The following FAM193A variants were observed in gnomAD, a reference collection of about 807,000 sequenced individuals.
FAM193A encodes protein FAM193A.
FAM193A carries 22 observed loss-of-function variants against 126.5 expected under a neutral mutation model. The ratio of observed to expected loss-of-function variants is 0.17; its 90% CI spans 0.12 to 0.25. FAM193A has a LOEUF of 0.25. FAM193A is among the 10% of genes least tolerant of loss of function. The pLI, the probability that FAM193A is intolerant of heterozygous loss-of-function variation, is 1.00. For synonymous variants in FAM193A, 761 were observed against 646.8 expected, an observed-to-expected ratio of 1.18 and a Z score of -2.68; for missense variants, 1,675 against 1,672.8, an observed-to-expected ratio of 1.00 and a Z score of -0.02.
At chr4:2,667,234 C>T (rs80348772) in intron 12 of FAM193A, among the ~76,000 whole-genome samples, 1 of 152,168 alleles carries the variant, frequency 6.6e-6, no homozygotes, top group African/African-American at 2.4e-5. Flanking sequence ...TCCAGGCTAC[C>T]ATGTAAGGAC....
intron 5 of FAM193A, 21 bp from the exon 6 acceptor site, chr4:2,639,714 C>T (rs762584372): frequency 6.2e-7 from 1 of 1,601,158 alleles, no homozygotes; most frequent in Non-Finnish European, 8.5e-7. Flanking sequence ...TTCTGTTTAT[C>T]TTTTACTTTT....
intron 5 of FAM193A, among the ~76,000 whole-genome samples, chr4:2,631,514 A>G (rs1743584306): frequency 6.6e-6 from 1 of 152,216 alleles, no homozygotes; most frequent in African/African-American, 2.4e-5. Context: ...TGTCTTACTT[A>G]GGTTGTTCAT....
chr4:2,692,189 G>A (rs1716464288), intron 15 of FAM193A, among the ~76,000 whole-genome samples: 1 of 152,170 alleles, frequency 6.6e-6, no homozygotes, highest in African/African-American at 2.4e-5. Context: ...CACATGGCTA[G>A]GGAGGCTTCA....
chr4:2,664,327 T>C (rs1285157964), intron 12 of FAM193A, among the ~76,000 whole-genome samples: 1 of 152,142 alleles, frequency 6.6e-6, no homozygotes, highest in African/African-American at 2.4e-5. Context: ...TCAGTACGGT[T>C]TGTCAGAAGT....
intron 1 of FAM193A, among the ~76,000 whole-genome samples, chr4:2,590,625 A>G (rs1310503442): frequency 6.6e-6 from 1 of 152,034 alleles, no homozygotes; most frequent in Non-Finnish European, 1.5e-5. Context: ...CTGGGCGCCT[A>G]CTGGTTGCTG....
At chr4:2,694,904 C>G (rs751491413) in intron 16 of FAM193A, 42 bp from the exon 17 acceptor site, 1 of 1,526,596 alleles carries the variant, frequency 6.6e-7, no homozygotes, top group South Asian at 1.2e-5. Flanking sequence ...CATTGCCTCC[C>G]GGGCCGGCCA....
At chr4:2,561,105 C>T (rs548137477) in intron 1 of FAM193A, among the ~76,000 whole-genome samples, 5 of 152,338 alleles carry the variant, frequency 3.3e-5, no homozygotes, top group African/African-American at 1.2e-4. Flanking sequence ...CTTACAACAC[C>T]TTGCTGTAGG....
chr4:2,621,415 C>T (rs781587366), intron 2 of FAM193A, among the ~76,000 whole-genome samples: 3 of 152,152 alleles, frequency 2.0e-5, no homozygotes, highest in Non-Finnish European at 2.9e-5. Flanking sequence ...AGAAGCCAAT[C>T]AGAGGCTCAC....
chr4:2,561,483 G>C (rs1738610040), intron 1 of FAM193A, among the ~76,000 whole-genome samples: 1 of 142,798 alleles, frequency 7.0e-6, no homozygotes, highest in Admixed American at 7.2e-5. Context: ...ATGCCTGGCT[G>C]CTTGTAGAGA....
At chr4:2,695,550 C>T (rs1013155058) in intron 17 of FAM193A, among the ~76,000 whole-genome samples, 1 of 152,176 alleles carries the variant, frequency 6.6e-6, no homozygotes, top group Non-Finnish European at 1.5e-5. Context: ...CAATTATCAC[C>T]CACTGTTTAA....
intron 12 of FAM193A, 47 bp from the exon 13 acceptor site, chr4:2,672,074 C>G: frequency 1.3e-6 from 2 of 1,593,818 alleles, no homozygotes; most frequent in Non-Finnish European, 1.7e-6. Context: ...TAATTCATAC[C>G]ATTTATTGTT....
At chr4:2,617,195 AAAG>A (rs1186044737) in intron 2 of FAM193A, among the ~76,000 whole-genome samples, 2 of 133,972 alleles carry the variant, frequency 1.5e-5, no homozygotes, top group Non-Finnish European at 3.1e-5. Flanking sequence ...AAAAAAAAAA[AAAG>A]AATATTTTTT....
intron 15 of FAM193A, 32 bp downstream of exon 15, chr4:2,691,002 T>A (rs17629977): frequency 0.038 from 60,014 of 1,582,832 alleles, 1,396 homozygotes; most frequent in Middle Eastern, 0.092. Flanking sequence ...GCCCTCGGGG[T>A]CTGCAGGAAG....
At chr4:2,579,583 C>G (rs548063824) in intron 1 of FAM193A, among the ~76,000 whole-genome samples, 2 of 152,044 alleles carry the variant, frequency 1.3e-5, no homozygotes, top group East Asian at 3.9e-4. Context: ...CCTGTGGTCC[C>G]AGTTACTCGG....
At chr4:2,535,829 C>G (rs1340337680), upstream of FAM193A, among the ~76,000 whole-genome samples, 3 of 152,120 alleles carry the variant, frequency 2.0e-5, no homozygotes, top group Non-Finnish European at 4.4e-5. Flanking sequence ...AGAGGGCGGG[C>G]TCGGGAAGAG....
chr4:2,537,998 A>G (rs929808439), intron 1 of FAM193A, among the ~76,000 whole-genome samples: 2 of 152,200 alleles, frequency 1.3e-5, no homozygotes, highest in South Asian at 2.1e-4. Context: ...AGGGTACACT[A>G]TTTATAAGTG....
chr4:2,551,508 A>G (rs1362903362), intron 1 of FAM193A, among the ~76,000 whole-genome samples: 1 of 152,222 alleles, frequency 6.6e-6, no homozygotes, highest in Non-Finnish European at 1.5e-5. Context: ...CTATGTTAGT[A>G]TCTGATTTTC....
chr4:2,587,844 CA>C (rs1260348726), intron 1 of FAM193A, among the ~76,000 whole-genome samples: 1 of 152,100 alleles, frequency 6.6e-6, no homozygotes, highest in Non-Finnish European at 1.5e-5. Flanking sequence ...TGTGTTTCTT[CA>C]GAGTGGGAGA....
chr4:2,600,649 C>A (rs1340972330), intron 2 of FAM193A, among the ~76,000 whole-genome samples: 1 of 152,180 alleles, frequency 6.6e-6, no homozygotes, highest in Non-Finnish European at 1.5e-5. Context: ...CTGTATCACC[C>A]CCAAACCCCC....
Sources: allele counts gnomAD v4.1 joint callset (sites outside exome capture counted in the v4.1 genomes callset), GRCh38; gene constraint gnomAD v4.1.1; transcripts MANE v1.5; gene names NCBI Gene and HGNC (gene_info 2026-07-23, HGNC 2026-07-21).